The following CLTB variants were observed in gnomAD, a reference collection of about 807,000 sequenced individuals.
The protein encoded by CLTB is clathrin, light chain (Lcb).
Under a neutral mutation model 30.5 loss-of-function variants are expected in CLTB, and 10 were observed. The observed-to-expected ratio is 0.33, with a 90% CI of 0.20 to 0.56. The LOEUF (loss-of-function observed/expected upper bound fraction) is 0.56. Ranked by LOEUF, CLTB falls within the 20% of genes least tolerant of loss-of-function variation. CLTB has a pLI of 0.91. For synonymous variants in CLTB, 102 were observed against 120.3 expected (o/e 0.85, Z 1.00); for missense variants, 261 against 308.3 (o/e 0.85, Z 1.15).
Position 176,396,480 on chromosome 5 carries a change from C to T in CLTB, c.517G>A (p.Val173Met), listed in dbSNP as rs770160355. 4 of 1,613,578 alleles carry T rather than the reference C, an allele frequency of 2.5e-6. No individual in the cohort carries two copies. Among genetic ancestry groups the T allele is most frequent in the South Asian group, 1.1e-5 (1 of 91,048 alleles). Residue 173 changes from valine (V) to methionine (M), a missense_variant and splice_region_variant, in exon 5 of 6, where the codon GTG becomes ATG. By Grantham distance (21) the Val-to-Met change is conservative (BLOSUM62 1). Around this residue, in one of 3 missense-constraint regions of CLTB, gnomAD observed 123 missense variants for 157.0 expected, o/e 0.78. Transcript: ENST00000310418. ...CAGAGAAGCAAAACAGACACGTACA[C>T]GTAGCCGATGATATCAGCATCTGGC... Reference protein sequence around the residue: ...QQPDADIIGYVASEEAFVKES... With the variant: ...QQPDADIIGYMASEEAFVKES...
chr5:176,397,933 G>C lies in CLTB; in HGVS notation c.349C>G (p.Leu117Val). 2.5e-6 allele frequency: 4 copies of C among 1,613,436 alleles called. No homozygotes were observed. Among genetic ancestry groups the C allele is most frequent in the Non-Finnish European group, 3.4e-6 (4 of 1,179,838 alleles). The change falls in exon 3 of 6, where the codon CTG (leucine) becomes GTG (valine). Residue 117 changes from leucine to valine, a missense_variant. This residue lies in a region of CLTB where 123 missense variants were observed against 157.0 expected (regional missense o/e 0.78). Transcript: ENST00000310418. ...REEQRKRLQE[L>V]DAASKVTEQE... ...CCCGCCTCAGCCCCGCCCTCACCCAGCTCTTGCAGCCGTTTCCTCTGCTCC... is the reference window on the plus strand; with the variant it reads ...CCCGCCTCAGCCCCGCCCTCACCCACCTCTTGCAGCCGTTTCCTCTGCTCC...
In CLTB at chr5:176,393,215, G is replaced by A. The variant is rs1279460100; in HGVS notation, c.519-270C>T. ...TGCTTCTTGTCATTCAGGTCTCAGT[G>A]CGGGCCTCACCTCCTCAGAAAGTCT... On this transcript the variant is annotated intron_variant, in intron 5 of 5. Transcript: ENST00000310418. The surrounding 1 kb of genome is among the most constrained non-coding windows in gnomAD (Gnocchi z 4.4). 6.6e-6 allele frequency among the ~76,000 whole-genome samples: 1 copy of A among 152,154 alleles called. No homozygotes were observed. The highest frequency in any genetic ancestry group is 1.5e-5 in the Non-Finnish European group (1 of 68,020).
intron 1 of CLTB, among the ~76,000 whole-genome samples, chr5:176,413,478 G>T (rs1757547658): frequency 1.3e-5 from 2 of 152,238 alleles, no homozygotes; most frequent in Non-Finnish European, 2.9e-5. Context: ...GATCCAGCCA[G>T]AGAGGAGGGG....
At chr5:176,414,937 G>A (rs1757623231) in intron 1 of CLTB, among the ~76,000 whole-genome samples, 2 of 152,194 alleles carry the variant, frequency 1.3e-5, no homozygotes, top group African/African-American at 4.8e-5. Context: ...AAACATGACT[G>A]TGAAGAGCCT....
chr5:176,415,452 G>A (rs746123134), intron 1 of CLTB, among the ~76,000 whole-genome samples: 2 of 152,180 alleles, frequency 1.3e-5, no homozygotes, highest in Non-Finnish European at 2.9e-5. Context: ...GGAGGCAGAG[G>A]TGGGAGGATT....
chr5:176,411,386 A>G (rs1401357533), intron 1 of CLTB, among the ~76,000 whole-genome samples: 2 of 152,176 alleles, frequency 1.3e-5, no homozygotes, highest in Admixed American at 6.5e-5. Flanking sequence ...AGTGGCCTAT[A>G]GCGCCTACTC....
intron 2 of CLTB, among the ~76,000 whole-genome samples, chr5:176,402,310 A>C (rs1756864541): frequency 6.6e-6 from 1 of 152,188 alleles, no homozygotes; most frequent in Non-Finnish European, 1.5e-5. Context: ...AAAATAAATA[A>C]ATAAAAATAA....
intron 2 of CLTB, among the ~76,000 whole-genome samples, chr5:176,409,130 C>T (rs1289791683): frequency 1.3e-5 from 2 of 151,984 alleles, no homozygotes; most frequent in Non-Finnish European, 2.9e-5. Context: ...GCTTGTGCCA[C>T]CACACCCAGC....
intron 2 of CLTB, chr5:176,406,651 C>T (rs769735505): frequency 1.0e-5 from 13 of 1,289,240 alleles, no homozygotes; most frequent in South Asian, 4.9e-5. Context: ...TGGGCAGGCT[C>T]GTCCTTAGGC....
chr5:176,408,008 G>C (rs1267576685), intron 2 of CLTB, among the ~76,000 whole-genome samples: 4 of 152,210 alleles, frequency 2.6e-5, no homozygotes, highest in African/African-American at 9.6e-5. Context: ...CAGGATCAAG[G>C]CTCTTTGGCC....
intron 2 of CLTB, among the ~76,000 whole-genome samples, chr5:176,409,638 C>T (rs1303260647): frequency 6.6e-6 from 1 of 151,936 alleles, no homozygotes; most frequent in Non-Finnish European, 1.5e-5. Context: ...TGGTCTTGAA[C>T]TCTGACCTCA....
intron 2 of CLTB, among the ~76,000 whole-genome samples, chr5:176,403,730 G>C (rs1376452441): frequency 6.6e-6 from 1 of 151,232 alleles, no homozygotes; most frequent in Non-Finnish European, 1.5e-5. Flanking sequence ...GGGATTACAG[G>C]CGTGAGCCAC....
intron 1 of CLTB, among the ~76,000 whole-genome samples, chr5:176,411,897 C>A (rs2113683191): frequency 6.6e-6 from 1 of 152,228 alleles, no homozygotes; most frequent in East Asian, 1.9e-4. Context: ...CTTTTTTGGG[C>A]CGGGCGTGGT....
intron 5 of CLTB, among the ~76,000 whole-genome samples, chr5:176,395,391 C>T (rs374712338): frequency 6.6e-6 from 1 of 152,258 alleles, no homozygotes; most frequent in East Asian, 1.9e-4. Context: ...CTGTGGGTGT[C>T]TTACCAATCT....
chr5:176,412,043 G>A (rs1757459934), intron 1 of CLTB, among the ~76,000 whole-genome samples: 1 of 152,016 alleles, frequency 6.6e-6, no homozygotes, highest in Admixed American at 6.6e-5. Flanking sequence ...AGGCGTGGTG[G>A]CAGGCGCCTG....
chr5:176,393,290 A>G lies in CLTB; in HGVS notation c.519-345T>C, dbSNP rs933171193. 6.6e-6 allele frequency among the ~76,000 whole-genome samples: 1 copy of G among 152,212 alleles called. No homozygotes were observed. The highest frequency in any genetic ancestry group is 3.4e-3 in the Middle Eastern group (1 of 294). On this transcript the variant is annotated intron_variant, in intron 5 of 5. Transcript: ENST00000310418. This position sits in a 1 kb window ranked among gnomAD's most constrained non-coding sequence, Gnocchi z 4.4. ...ATTACTTCCCCATCGGGAGTTCCCA[A>G]CCTGAGGTTCCTGACACCTAAAGAC...
chr5:176,400,336 A>G (rs575328274), intron 2 of CLTB, among the ~76,000 whole-genome samples: 1 of 152,210 alleles, frequency 6.6e-6, no homozygotes, highest in Non-Finnish European at 1.5e-5. Flanking sequence ...CTCAGTGAAT[A>G]GTAGCTAGAA....
chr5:176,402,838 G>A (rs940891848), intron 2 of CLTB, among the ~76,000 whole-genome samples: 1 of 152,102 alleles, frequency 6.6e-6, no homozygotes, highest in African/African-American at 2.4e-5. Flanking sequence ...CACCATTCTC[G>A]CCTGGGGACA....
In CLTB at chr5:176,396,468, C is replaced by A. The variant is rs369257313; in HGVS notation, c.518+11G>T. 3.8e-5 allele frequency: 61 copies of A among 1,612,522 alleles called. No individual in the cohort carries two copies. Among genetic ancestry groups the A allele is most frequent in the Non-Finnish European group, 5.1e-5 (60 of 1,178,650 alleles). Reference sequence around the variant, plus strand: ...TAGCTCCCCCAACAGAGAAGCAAAACAGACACGTACACGTAGCCGATGATA... The same window carrying A: ...TAGCTCCCCCAACAGAGAAGCAAAAAAGACACGTACACGTAGCCGATGATA... On this transcript the variant is annotated intron_variant, in intron 5 of 5. Coordinates refer to ENST00000310418, the MANE Select transcript of CLTB (RefSeq NM_007097.5).
Sources: gnomAD v4.1 joint callset for allele counts (sites outside exome capture counted in the v4.1 genomes callset) on GRCh38, gnomAD v4.1.1 for gene constraint, gnomAD v4.1.1 regional missense constraint, Gnocchi (gnomAD v3.1) non-coding constraint, MANE v1.5 for transcripts, NCBI Gene and HGNC (gene_info 2026-07-23, HGNC 2026-07-21) for gene names.